Variants in TCERG1 observed in about 807,000 individuals in gnomAD.
TCERG1 encodes TATA box binding protein (TBP)-associated factor, RNA polymerase II, S, 150kD.
TCERG1 carries 37 observed loss-of-function variants against 144.7 expected under a neutral mutation model. The ratio of observed to expected loss-of-function variants is 0.26; its 90% CI spans 0.20 to 0.34. The LOEUF is 0.34. Ranked by LOEUF, TCERG1 falls within the 10% of genes least tolerant of loss-of-function variation. The pLI is 1.00. For missense variants in TCERG1, 1,027 were observed against 1,380.7 expected (o/e 0.74, Z 4.06); for synonymous variants, 492 against 458.2 (o/e 1.07, Z -0.94).
intron 14 of TCERG1, 84 bp from the exon 15 acceptor site, chr5:146,483,456 T>C (rs1765541275): frequency 8.5e-7 from 1 of 1,176,010 alleles, no homozygotes; most frequent in East Asian, 2.4e-5. Context: ...TATAAACAGA[T>C]ATCCTGTAGA....
intron 17 of TCERG1, among the ~76,000 whole-genome samples, chr5:146,501,626 A>G (rs1291492417): frequency 6.6e-6 from 1 of 152,190 alleles, no homozygotes; most frequent in Non-Finnish European, 1.5e-5. Flanking sequence ...GCATCTAGGA[A>G]TTTGGTGTTC....
intron 19 of TCERG1, among the ~76,000 whole-genome samples, chr5:146,506,244 T>C (rs1767982681): frequency 6.6e-6 from 1 of 152,256 alleles, no homozygotes; most frequent in South Asian, 2.1e-4. Flanking sequence ...GTTATTTTAG[T>C]CTGTGTTTCT....
Position 146,498,568 on chromosome 5 carries a change from C to G in TCERG1, c.2315C>G (p.Ala772Gly). The G allele has an allele frequency of 6.2e-7, 1 of 1,607,956 alleles. No homozygotes were observed. Among genetic ancestry groups the G allele is most frequent in the Non-Finnish European group, 8.5e-7 (1 of 1,177,564 alleles). ...ATFSEFAAKH[A>G]KDSRFKAIEK... The stretch of plus-strand genomic sequence containing the variant: ...TTTAGTGAATTTGCAGCCAAGCATG[C>G]TAAAGATTCAAGATTCAAAGCAATT... Residue 772 changes from alanine (A) to glycine (G), a missense_variant, in exon 17 of 23, where the codon GCT (alanine) becomes GGT (glycine). By Grantham distance (60) the Ala-to-Gly change is moderately conservative. This residue lies in a region of TCERG1 where 482 missense variants were observed against 632.6 expected (regional missense o/e 0.76). Coordinates refer to ENST00000679501, the MANE Select transcript of TCERG1 (RefSeq NM_001382548.1).
intron 1 of TCERG1, among the ~76,000 whole-genome samples, chr5:146,448,490 C>G (rs1200413670): frequency 2.0e-5 from 3 of 152,112 alleles, no homozygotes; most frequent in African/African-American, 7.2e-5. Flanking sequence ...GGAGAAATGG[C>G]ATTTCAGATG....
At chr5:146,479,354 A>G (rs1765138561) in intron 10 of TCERG1, among the ~76,000 whole-genome samples, 2 of 152,162 alleles carry the variant, frequency 1.3e-5, no homozygotes, top group African/African-American at 4.8e-5. Context: ...ATTTTCATGC[A>G]TTATATATAT....
chr5:146,506,834 C>T (rs970235195), intron 19 of TCERG1, among the ~76,000 whole-genome samples, 194 bp from the exon 20 acceptor site: 12 of 152,090 alleles, frequency 7.9e-5, no homozygotes, highest in African/African-American at 2.9e-4. Context: ...ATAGAATTTT[C>T]CTCTTTTTTT....
intron 15 of TCERG1, among the ~76,000 whole-genome samples, chr5:146,485,603 C>T: frequency 6.6e-6 from 1 of 152,262 alleles, no homozygotes; most frequent in African/African-American, 2.4e-5. Flanking sequence ...AATAGAATTA[C>T]GTTTGAAAAG....
intron 4 of TCERG1, among the ~76,000 whole-genome samples, chr5:146,461,711 T>C (rs1476013274): frequency 9.9e-5 from 15 of 152,188 alleles, no homozygotes. Flanking sequence ...ATTATCTGAA[T>C]ACTATAATAA....
chr5:146,488,405 C>A (rs1482039207), intron 15 of TCERG1, among the ~76,000 whole-genome samples: 5 of 152,058 alleles, frequency 3.3e-5, no homozygotes, highest in Admixed American at 3.3e-4. Context: ...ACAGATCTTA[C>A]TAACAAATGG....
intron 2 of TCERG1, 74 bp from the exon 3 acceptor site, chr5:146,457,108 CT>C: frequency 6.4e-7 from 1 of 1,552,132 alleles, no homozygotes; most frequent in Non-Finnish European, 8.7e-7. Context: ...CAGTGTTTTA[CT>C]TTTGAATAGA....
chr5:146,447,766 C>G (rs1481885056), intron 1 of TCERG1, among the ~76,000 whole-genome samples: 2 of 152,248 alleles, frequency 1.3e-5, no homozygotes, highest in Admixed American at 6.5e-5. Context: ...AGGCCGCGCT[C>G]CGCTGCGGGC....
intron 1 of TCERG1, among the ~76,000 whole-genome samples, chr5:146,452,493 C>T (rs988512556): frequency 3.9e-5 from 6 of 152,104 alleles, no homozygotes; most frequent in African/African-American, 1.4e-4. Context: ...TTTATTGAGC[C>T]CTACTATGTA....
chr5:146,476,902 C>T (rs1412139510), intron 9 of TCERG1, among the ~76,000 whole-genome samples: 1 of 152,266 alleles, frequency 6.6e-6, no homozygotes, highest in Admixed American at 6.5e-5. Context: ...ACTACAGGTG[C>T]ATGCCATCAC....
chr5:146,453,536 A>C (rs1581369169), intron 1 of TCERG1, among the ~76,000 whole-genome samples: 2 of 152,342 alleles, frequency 1.3e-5, no homozygotes, highest in East Asian at 3.9e-4. Context: ...ATTTGTAATG[A>C]TATAATACTT....
rs1768130037 is a variant in TCERG1, at chr5:146,507,716, A to G, written c.2962-157A>G. 1.4e-5 allele frequency: 7 copies of G among 493,140 alleles called. No individual in the cohort carries two copies. The highest frequency in any genetic ancestry group is 3.5e-6 in the Non-Finnish European group (1 of 284,306). The allele number at this position is 493,140 out of a possible 1,614,324, so 30.5% of individuals were successfully genotyped here. A position where few individuals can be genotyped will look rare whatever the true frequency, so the allele number is the denominator to read the frequency against. On this transcript the variant is annotated intron_variant, in intron 20 of 22. Coordinates refer to ENST00000679501, the MANE Select transcript of TCERG1 (RefSeq NM_001382548.1). The surrounding 1 kb of genome is among the most constrained non-coding windows in gnomAD (Gnocchi z 4.6). ...TGGCAAGCCAACAAAAAGAAATTGC[A>G]TTAACGCTGCTTCCCTGTCCCTAAC...
In TCERG1 at chr5:146,459,117, AGCCCAG is replaced by A. The variant is rs765010576; in HGVS notation, c.681_686del (p.Ala241_Gln242del). 1.9e-6 allele frequency: 3 copies of A among 1,578,358 alleles called. No individual in the cohort carries two copies. Reference sequence around the variant, plus strand: ...AGGCCCAGGCCCAGGCCCAAGCCCAAGCCCAGGCCCAGGCTCAGGCTCAGGCACAAG... The same window carrying A: ...AGGCCCAGGCCCAGGCCCAAGCCCAAGCCCAGGCTCAGGCTCAGGCACAAG... On this transcript the variant is annotated inframe_deletion, in exon 4 of 23. Transcript: ENST00000679501.
rs765916324 is a variant in TCERG1 at position 146,510,547 on chromosome 5, C to T, written c.3253C>T (p.Arg1085Cys). The T allele has an allele frequency of 8.1e-6, 13 of 1,614,036 alleles. No homozygotes were observed. The highest frequency in any genetic ancestry group is 1.1e-5 in the South Asian group (1 of 91,070). ...LVLDCVPEER[R>C]KLIVAYVDDL... ...ACTGGACTGTGTGCCAGAGGAGAGG[C>T]GTAAACTGATTGTGGCATATGTTGA... Residue 1085 changes from arginine (R) to cysteine (C), a missense_variant, in exon 23 of 23, where the codon CGT becomes TGT. Arg to Cys is a radical substitution (Grantham distance 180, BLOSUM62 -3). Coordinates refer to ENST00000679501, the MANE Select transcript of TCERG1 (RefSeq NM_001382548.1).
intron 15 of TCERG1, among the ~76,000 whole-genome samples, chr5:146,487,076 A>C (rs1237634644): frequency 1.4e-5 from 2 of 144,708 alleles, no homozygotes; most frequent in Non-Finnish European, 3.0e-5. Flanking sequence ...GGTGACAGCA[A>C]GACTCTGTCT....
chr5:146,471,762 C>A (rs923328099), intron 9 of TCERG1, among the ~76,000 whole-genome samples, 186 bp downstream of exon 9: 1 of 152,102 alleles, frequency 6.6e-6, no homozygotes, highest in Non-Finnish European at 1.5e-5. Context: ...CCATGCCCAG[C>A]TGATTTTTGT....
Sources: gnomAD v4.1 joint callset for allele counts (sites outside exome capture counted in the v4.1 genomes callset) on GRCh38, gnomAD v4.1.1 for gene constraint, gnomAD v4.1.1 regional missense constraint, Gnocchi (gnomAD v3.1) non-coding constraint, MANE v1.5 for transcripts, NCBI Gene and HGNC (gene_info 2026-07-23, HGNC 2026-07-21) for gene names.